Variants in PMFBP1 observed in about 807,000 individuals in gnomAD.
The protein encoded by PMFBP1 is polyamine modulated factor 1 binding protein 1.
PMFBP1 carries 131 observed loss-of-function variants against 137.8 expected under a neutral mutation model. The observed-to-expected ratio is 0.95, with a 90% CI of 0.82 to 1.10. The LOEUF (loss-of-function observed/expected upper bound fraction) is 1.10. Among genes scored for constraint, PMFBP1 ranks in the 50% least tolerant of loss-of-function variants. The pLI, the probability that PMFBP1 is intolerant of heterozygous loss-of-function variation, is 0.00. For synonymous variants in PMFBP1, 490 were observed against 450.4 expected (o/e 1.09, Z -1.11); for missense variants, 1,199 against 1,175.4 (o/e 1.02, Z -0.29).
chr16:72,132,959 C>T lies in PMFBP1; in HGVS notation c.1236G>A (p.Glu412=), dbSNP rs772905441. 1.9e-6 allele frequency: 3 copies of T among 1,614,062 alleles called. No homozygotes were observed. The highest frequency in any genetic ancestry group is 2.7e-5 in the African/African-American group (2 of 74,920). ...FLQEKDEMLQ[E]LEKKLTQVQN... Reference sequence around the variant, plus strand: ...GAACCTGTGTCAGTTTCTTCTCCAGCTCTTGCAGCATCTCATCTTTCTCTT... The same window carrying T: ...GAACCTGTGTCAGTTTCTTCTCCAGTTCTTGCAGCATCTCATCTTTCTCTT... Residue 412 remains glutamate (E), a synonymous_variant, in exon 10 of 21, where the codon GAG becomes GAA. Transcript: ENST00000237353.
At chr16:72,159,940 C>T (rs995965842) in intron 3 of PMFBP1, among the ~76,000 whole-genome samples, 1 of 152,022 alleles carries the variant, frequency 6.6e-6, no homozygotes, top group African/African-American at 2.4e-5. Flanking sequence ...TTAAAATGAC[C>T]ATCTGGAGTG....
At chr16:72,241,849 A>C in the PMFBP1 span, among the ~76,000 whole-genome samples, 1 of 152,164 alleles carries the variant, frequency 6.6e-6, no homozygotes, top group African/African-American at 2.4e-5. Context: ...GCTGGTGTTT[A>C]ATTGCATCCC....
At chr16:72,230,807 C>A in the PMFBP1 span, among the ~76,000 whole-genome samples, 304 of 152,288 alleles carry the variant, frequency 2.0e-3, 4 homozygotes, top group East Asian at 0.052. Context: ...TGGATTAACA[C>A]AGTGACCTCC....
chr16:72,191,457 T>A, the PMFBP1 span, among the ~76,000 whole-genome samples: 46 of 152,354 alleles, frequency 3.0e-4, no homozygotes, highest in Non-Finnish European at 4.4e-5. Context: ...TTTAAATATA[T>A]CTCTTATTTC....
At chr16:72,150,324 C>T (rs1387112449) in intron 5 of PMFBP1, among the ~76,000 whole-genome samples, 1 of 152,144 alleles carries the variant, frequency 6.6e-6, no homozygotes, top group Non-Finnish European at 1.5e-5. Flanking sequence ...TCAGCCAACC[C>T]CACAGGGAAC....
chr16:72,135,589 T>C lies in PMFBP1; in HGVS notation c.1203+859A>G, dbSNP rs548255391. On this transcript the variant is annotated intron_variant, in intron 9 of 20. Transcript: ENST00000237353. Reference sequence around the variant, plus strand: ...ATAGTACTGATTAAAAAAGCTTGCATTGGTTTCACCACCTTTCTGTTCTTG... The same window carrying C: ...ATAGTACTGATTAAAAAAGCTTGCACTGGTTTCACCACCTTTCTGTTCTTG... Among the ~76,000 whole-genome samples the C allele has an allele frequency of 1.1e-4, 17 of 152,110 alleles. No homozygotes were observed. The East Asian group carries it at 3.1e-3, about 28-fold the overall frequency.
At chr16:72,125,065 A>G (rs1325647530) in intron 16 of PMFBP1, 131 bp from the exon 17 acceptor site, 12 of 1,376,204 alleles carry the variant, frequency 8.7e-6, no homozygotes, top group Middle Eastern at 2.0e-4. Flanking sequence ...TGGCCAGCAG[A>G]GGGCACCCAT....
chr16:72,210,738 C>G, the PMFBP1 span, among the ~76,000 whole-genome samples: 22 of 152,180 alleles, frequency 1.4e-4, no homozygotes, highest in African/African-American at 4.6e-4. Flanking sequence ...GGGCAATTTC[C>G]CTCCCACGGC....
chr16:72,149,379 C>T (rs2042864674), intron 5 of PMFBP1, among the ~76,000 whole-genome samples: 1 of 152,100 alleles, frequency 6.6e-6, no homozygotes, highest in Admixed American at 6.6e-5. Flanking sequence ...ATAAGCATAT[C>T]CTTTGACCCA....
chr16:72,120,133 C>G, intron 19 of PMFBP1, 44 bp from the exon 20 acceptor site: 2 of 1,613,368 alleles, frequency 1.2e-6, no homozygotes, highest in Non-Finnish European at 1.7e-6. Context: ...GGGCTGCTGG[C>G]TCTGGTTGGT....
intron 3 of PMFBP1, among the ~76,000 whole-genome samples, chr16:72,160,340 C>T (rs780806455): frequency 6.6e-6 from 1 of 152,114 alleles, no homozygotes; most frequent in Non-Finnish European, 1.5e-5. Flanking sequence ...AAGATGAGCA[C>T]TTCATTTACC....
intron 5 of PMFBP1, among the ~76,000 whole-genome samples, chr16:72,141,267 C>A (rs911983609): frequency 6.6e-6 from 1 of 152,182 alleles, no homozygotes; most frequent in African/African-American, 2.4e-5. Context: ...AGTATTTAAA[C>A]ATTGTGTTTT....
the PMFBP1 span, among the ~76,000 whole-genome samples, chr16:72,249,471 T>C: frequency 1.4e-4 from 21 of 152,190 alleles, no homozygotes; most frequent in African/African-American, 3.4e-4. Context: ...ATTTGTTAGT[T>C]TTTTTTAACC....
chr16:72,231,993 A>G, the PMFBP1 span, among the ~76,000 whole-genome samples: 1 of 152,164 alleles, frequency 6.6e-6, no homozygotes, highest in Admixed American at 6.6e-5. Context: ...GAGAACTTCA[A>G]TCTCTGGTCA....
At chr16:72,129,021 C>T (rs201759517) in intron 13 of PMFBP1, 45 bp downstream of exon 13, 16 of 1,598,676 alleles carry the variant, frequency 1.0e-5, no homozygotes, top group Middle Eastern at 1.7e-4. Flanking sequence ...GGTCATGTCC[C>T]GCTCTGGATT....
rs1024757424 is a variant in PMFBP1 at position 72,144,367 on chromosome 16, A to T, written c.637-3785T>A. 2.6e-5 allele frequency among the ~76,000 whole-genome samples: 4 copies of T among 152,178 alleles called. No individual in the cohort carries two copies. In the South Asian group the frequency reaches 8.3e-4, roughly 32 times the overall value. Reference sequence around the variant, plus strand: ...GTGAAGGAGGACCTGTCCTAACAGGATCTATTAAAACAAGCTACCAGTTAA... The same window carrying T: ...GTGAAGGAGGACCTGTCCTAACAGGTTCTATTAAAACAAGCTACCAGTTAA... On this transcript the variant is annotated intron_variant, in intron 5 of 20. Transcript: ENST00000237353.
At chr16:72,173,077 A>C (rs1187039052), upstream of PMFBP1, among the ~76,000 whole-genome samples, 1 of 152,228 alleles carries the variant, frequency 6.6e-6, no homozygotes, top group African/African-American at 2.4e-5. Flanking sequence ...CCAAGCTTCT[A>C]AACCTGGTTC....
At chr16:72,236,588 A>G in the PMFBP1 span, among the ~76,000 whole-genome samples, 1 of 152,182 alleles carries the variant, frequency 6.6e-6, no homozygotes, top group Non-Finnish European at 1.5e-5. Flanking sequence ...TAATCTCTGA[A>G]TTGATTTGGC....
At chr16:72,204,364 C>T in the PMFBP1 span, among the ~76,000 whole-genome samples, 1 of 151,968 alleles carries the variant, frequency 6.6e-6, no homozygotes, top group South Asian at 2.1e-4. Flanking sequence ...CGTGCACCAC[C>T]GCACGTTGCT....
Sources: gnomAD v4.1 joint callset for allele counts (sites outside exome capture counted in the v4.1 genomes callset) on GRCh38, gnomAD v4.1.1 for gene constraint, MANE v1.5 for transcripts, NCBI Gene and HGNC (gene_info 2026-07-23, HGNC 2026-07-21) for gene names.